Variants in HS3ST3A1 observed in about 807,000 individuals in gnomAD.
HS3ST3A1 encodes the protein heparan sulfate glucosamine 3-O-sulfotransferase 3A1.
Under a neutral mutation model 25.7 loss-of-function variants are expected in HS3ST3A1, and 19 were observed. That is an observed-to-expected ratio of 0.74 (90% CI 0.52 to 1.08). The LOEUF (loss-of-function observed/expected upper bound fraction) is 1.08, where lower values mean the gene tolerates loss of function less well. Ranked by LOEUF, HS3ST3A1 falls within the 50% of genes least tolerant of loss-of-function variation. The pLI, the probability that HS3ST3A1 is intolerant of heterozygous loss-of-function variation, is 0.00. For synonymous variants in HS3ST3A1, 226 were observed against 278.6 expected, an observed-to-expected ratio of 0.81 and a Z score of 1.88; for missense variants, 459 against 594.3, an observed-to-expected ratio of 0.77 and a Z score of 2.37.
At chr17:13,586,671 T>C (rs1908275626) in intron 1 of HS3ST3A1, among the ~76,000 whole-genome samples, 1 of 150,974 alleles carries the variant, frequency 6.6e-6, no homozygotes. Flanking sequence ...ATTGCAACCA[T>C]CCTGGCTAAC....
intron 1 of HS3ST3A1, among the ~76,000 whole-genome samples, chr17:13,499,416 A>T (rs187465424): frequency 1.3e-5 from 2 of 152,378 alleles, no homozygotes; most frequent in East Asian, 3.8e-4. Context: ...GCAATCATCA[A>T]CTACACTGAA....
chr17:13,511,878 G>T (rs1485899393), intron 1 of HS3ST3A1, among the ~76,000 whole-genome samples: 1 of 151,718 alleles, frequency 6.6e-6, no homozygotes, highest in Admixed American at 6.6e-5. Flanking sequence ...AGATAACTTG[G>T]AATATTTTAG....
chr17:13,502,163 T>C (rs908543156), intron 1 of HS3ST3A1, among the ~76,000 whole-genome samples: 4 of 152,168 alleles, frequency 2.6e-5, no homozygotes, highest in Non-Finnish European at 4.4e-5. Context: ...TTAGAGCTGC[T>C]GTCTGTGGTG....
At chr17:13,508,319 A>C (rs1905751879) in intron 1 of HS3ST3A1, among the ~76,000 whole-genome samples, 1 of 152,240 alleles carries the variant, frequency 6.6e-6, no homozygotes, top group African/African-American at 2.4e-5. Context: ...AGAGGAGGAG[A>C]GAAAACTCAA....
chr17:13,520,937 T>C (rs1906215287), intron 1 of HS3ST3A1, among the ~76,000 whole-genome samples: 1 of 152,220 alleles, frequency 6.6e-6, no homozygotes, highest in African/African-American at 2.4e-5. Flanking sequence ...ATATCCTTGT[T>C]TGTTGAATTT....
At chr17:13,506,026 CAAAAAAAAA>C (rs35525593) in intron 1 of HS3ST3A1, among the ~76,000 whole-genome samples, 2 of 66,972 alleles carry the variant, frequency 3.0e-5, no homozygotes, top group Non-Finnish European at 5.9e-5. Context: ...GACTTCATCT[CAAAAAAAAA>C]AAAAAAAAAA....
At chr17:13,583,740 C>T (rs1908174350) in intron 1 of HS3ST3A1, among the ~76,000 whole-genome samples, 1 of 152,196 alleles carries the variant, frequency 6.6e-6, no homozygotes, top group Non-Finnish European at 1.5e-5. Flanking sequence ...TTTTAAATAA[C>T]ATTCAGCTTG....
At chr17:13,585,186 CTTTTTTTTTTTTTTTTT>C (rs71144977) in intron 1 of HS3ST3A1, among the ~76,000 whole-genome samples, 3 of 33,246 alleles carry the variant, frequency 9.0e-5, no homozygotes, top group African/African-American at 1.2e-4. Context: ...TTTTTCTGTG[CTTTTTTTTTTTTTTTTT>C]TTTTTTTTTT....
intron 1 of HS3ST3A1, among the ~76,000 whole-genome samples, chr17:13,527,285 A>C (rs1309114649): frequency 6.6e-6 from 1 of 152,210 alleles, no homozygotes; most frequent in Non-Finnish European, 1.5e-5. Context: ...ATCCTTTAGA[A>C]AAAGGAGAGG....
At chr17:13,507,353 C>T (rs1369008349) in intron 1 of HS3ST3A1, among the ~76,000 whole-genome samples, 1 of 152,196 alleles carries the variant, frequency 6.6e-6, no homozygotes, top group Non-Finnish European at 1.5e-5. Flanking sequence ...GATAATGTGA[C>T]TTATCCAAGC....
At chr17:13,534,547 CAAAAAAAAAAAAAAA>C (rs34383911) in intron 1 of HS3ST3A1, among the ~76,000 whole-genome samples, 36 of 32,830 alleles carry the variant, frequency 1.1e-3, no homozygotes, top group African/African-American at 3.3e-3. Flanking sequence ...CTACAAAATC[CAAAAAAAAAAAAAAA>C]AAAAAAAAAA....
intron 1 of HS3ST3A1, among the ~76,000 whole-genome samples, chr17:13,544,303 A>G (rs1598421447): frequency 6.6e-6 from 1 of 152,358 alleles, no homozygotes; most frequent in African/African-American, 2.4e-5. Context: ...AAAAAGCCTT[A>G]GTGAAACTGA....
intron 1 of HS3ST3A1, among the ~76,000 whole-genome samples, chr17:13,566,806 A>G (rs1023032642): frequency 9.9e-5 from 15 of 152,222 alleles, no homozygotes; most frequent in Non-Finnish European, 5.9e-5. Context: ...GCAGAAAAAA[A>G]AAGTGTGAAG....
chr17:13,552,651 A>T (rs933683036), intron 1 of HS3ST3A1, among the ~76,000 whole-genome samples: 8 of 152,188 alleles, frequency 5.3e-5, no homozygotes, highest in African/African-American at 1.9e-4. Context: ...AACTCTGCCT[A>T]CTGGTTGGAG....
chr17:13,512,520 A>G (rs1227964555), intron 1 of HS3ST3A1, among the ~76,000 whole-genome samples: 2 of 152,054 alleles, frequency 1.3e-5, no homozygotes, highest in African/African-American at 4.8e-5. Flanking sequence ...TTTGTCAATA[A>G]AGTTTTATTG....
rs764209811 is a variant in HS3ST3A1 at position 13,601,110 on chromosome 17, G to T, written c.20C>A (p.Ala7Asp). 8 of 1,574,484 alleles carry T rather than the reference G, an allele frequency of 5.1e-6. No homozygotes were observed. The highest frequency in any genetic ancestry group is 2.3e-5 in the South Asian group (2 of 85,390). ...CTCGGCCGAGGTGGAGAGGGCACTG[G>T]CCGGGCCCGGAGGGGCCATCCTAGC... Reference protein sequence around the residue: MAPPGPASALSTSAEPL... With the variant: MAPPGPDSALSTSAEPL... The change falls in exon 1 of 2, where the codon GCC becomes GAC. Residue 7 changes from alanine (A) to aspartate (D), a missense_variant. Ala to Asp is a moderately radical substitution (Grantham distance 126). Coordinates refer to ENST00000284110, the MANE Select transcript of HS3ST3A1 (RefSeq NM_006042.3).
At chr17:13,504,277 A>G (rs1036574106) in intron 1 of HS3ST3A1, among the ~76,000 whole-genome samples, 2 of 152,088 alleles carry the variant, frequency 1.3e-5, no homozygotes, top group Non-Finnish European at 2.9e-5. Context: ...AGATCACACC[A>G]CTGCACTCCA....
intron 1 of HS3ST3A1, among the ~76,000 whole-genome samples, chr17:13,508,899 C>G (rs1905770910): frequency 6.6e-6 from 1 of 152,132 alleles, no homozygotes. Context: ...CTCTGGACTT[C>G]CGACATTCTT....
At chr17:13,534,596 C>T (rs1282758051) in intron 1 of HS3ST3A1, among the ~76,000 whole-genome samples, 1 of 141,928 alleles carries the variant, frequency 7.0e-6, no homozygotes, top group African/African-American at 2.6e-5. Context: ...GGCATGGTGG[C>T]ATGCACCTGT....
Sources: gnomAD v4.1 joint callset for allele counts (sites outside exome capture counted in the v4.1 genomes callset) on GRCh38, gnomAD v4.1.1 for gene constraint, MANE v1.5 for transcripts, NCBI Gene and HGNC (gene_info 2026-07-23, HGNC 2026-07-21) for gene names.